Variants in FCHSD2 observed in about 807,000 individuals in gnomAD.
FCHSD2 encodes the protein F-BAR and double SH3 domains protein 2.
In FCHSD2, 38 loss-of-function variants were observed where a neutral mutation model predicts 108.1. The ratio of observed to expected loss-of-function variants is 0.35; its 90% CI spans 0.27 to 0.46. FCHSD2 has a LOEUF of 0.46. FCHSD2 is among the 20% of genes least tolerant of loss of function. The probability of loss-of-function intolerance (pLI) is 1.00; values close to 1 mark genes in which losing one functional copy is unlikely to be tolerated. For synonymous variants in FCHSD2, 279 were observed against 314.7 expected (o/e 0.89, Z 1.20); for missense variants, 751 against 897.8 (o/e 0.84, Z 2.09).
chr11:72,983,101 C>T (rs1177241253), intron 8 of FCHSD2, among the ~76,000 whole-genome samples: 7 of 151,658 alleles, frequency 4.6e-5, no homozygotes, highest in East Asian at 3.9e-4. Flanking sequence ...GAGACCATCC[C>T]GGCTAAAACG....
At chr11:72,845,446 AAAAAAAAAAAAAAAAC>A in intron 14 of FCHSD2, among the ~76,000 whole-genome samples, 1 of 68,704 alleles carries the variant, frequency 1.5e-5, no homozygotes, top group Non-Finnish European at 3.1e-5. Flanking sequence ...TCAAAAAAAA[AAAAAAAAAAAAAAAAC>A]AACAACAAAC....
intron 13 of FCHSD2, among the ~76,000 whole-genome samples, chr11:72,867,126 C>T (rs1449337553): frequency 6.6e-6 from 1 of 152,106 alleles, no homozygotes; most frequent in East Asian, 1.9e-4. Flanking sequence ...TAATAAATAC[C>T]ATTGAGGAAA....
intron 13 of FCHSD2, among the ~76,000 whole-genome samples, chr11:72,861,656 G>A (rs1465994340): frequency 6.6e-6 from 1 of 152,134 alleles, no homozygotes. Flanking sequence ...TAGGCCGGGC[G>A]CGCTGGCTCA....
At chr11:72,966,798 GA>G (rs1403224792) in intron 8 of FCHSD2, among the ~76,000 whole-genome samples, 6 of 152,030 alleles carry the variant, frequency 3.9e-5, no homozygotes, top group Non-Finnish European at 4.4e-5. Flanking sequence ...TATTTTGAAG[GA>G]AAAAAACCTG....
chr11:73,116,005 G>A (rs1322305953), intron 2 of FCHSD2, among the ~76,000 whole-genome samples: 1 of 152,192 alleles, frequency 6.6e-6, no homozygotes, highest in African/African-American at 2.4e-5. Flanking sequence ...TGTTATCCAC[G>A]AGTTTAATGA....
chr11:72,904,493 T>C (rs1042527599), intron 9 of FCHSD2, among the ~76,000 whole-genome samples: 1 of 152,180 alleles, frequency 6.6e-6, no homozygotes, highest in Non-Finnish European at 1.5e-5. Context: ...CATCCCCTTA[T>C]GGCCAATATT....
At chr11:72,954,196 ATTTTTT>A (rs57517075) in intron 8 of FCHSD2, among the ~76,000 whole-genome samples, 5 of 111,700 alleles carry the variant, frequency 4.5e-5, no homozygotes, top group Admixed American at 1.0e-4. Flanking sequence ...AGATGTGGGG[ATTTTTT>A]TTTTTTTTTT....
chr11:72,975,362 A>G (rs1174954263), intron 8 of FCHSD2, among the ~76,000 whole-genome samples: 1 of 152,164 alleles, frequency 6.6e-6, no homozygotes, highest in African/African-American at 2.4e-5. Flanking sequence ...TGGGAAGGAT[A>G]GGAAGGTGGG....
intron 2 of FCHSD2, among the ~76,000 whole-genome samples, chr11:73,130,678 G>T (rs1591579565): frequency 1.3e-5 from 2 of 152,078 alleles, no homozygotes; most frequent in Non-Finnish European, 1.5e-5. Context: ...GTACACAGTG[G>T]TCTGTGACAA....
chr11:72,979,357 A>G (rs1004529426), intron 8 of FCHSD2, among the ~76,000 whole-genome samples: 1 of 152,210 alleles, frequency 6.6e-6, no homozygotes, highest in Non-Finnish European at 1.5e-5. Flanking sequence ...ATAAGAAAGA[A>G]ATGAAATTTA....
chr11:72,994,027 T>TA (rs1857474075), intron 5 of FCHSD2, among the ~76,000 whole-genome samples: 2 of 152,316 alleles, frequency 1.3e-5, no homozygotes, highest in South Asian at 4.1e-4. Flanking sequence ...AGAGTTGTTG[T>TA]AAAAAATTTT....
intron 2 of FCHSD2, among the ~76,000 whole-genome samples, chr11:73,092,332 G>T (rs1350927295): frequency 6.6e-6 from 1 of 151,698 alleles, no homozygotes; most frequent in Non-Finnish European, 1.5e-5. Context: ...TAGAGATGGG[G>T]TCTTGCTATG....
At chr11:72,981,813 G>A (rs917473623) in intron 8 of FCHSD2, among the ~76,000 whole-genome samples, 10 of 152,096 alleles carry the variant, frequency 6.6e-5, no homozygotes, top group Admixed American at 6.6e-4. Context: ...ACGCCTCTGC[G>A]AAAATAAAAA....
chr11:72,999,354 C>A (rs1401634659), intron 5 of FCHSD2, among the ~76,000 whole-genome samples: 1 of 137,184 alleles, frequency 7.3e-6, no homozygotes, highest in Non-Finnish European at 1.5e-5. Context: ...GAGTCTCACT[C>A]TGTCACCCAG....
intron 2 of FCHSD2, among the ~76,000 whole-genome samples, chr11:73,133,877 A>G (rs1010015798): frequency 4.0e-5 from 6 of 151,816 alleles, no homozygotes; most frequent in African/African-American, 9.7e-5. Flanking sequence ...CAGAAAGTAG[A>G]TAAGTGGTTG....
chr11:72,850,080 T>G, intron 13 of FCHSD2, among the ~76,000 whole-genome samples, 191 bp from the exon 14 acceptor site: 1 of 47,966 alleles, frequency 2.1e-5, no homozygotes, highest in African/African-American at 7.4e-5. Flanking sequence ...TTTTTTTTTT[T>G]GAGATGGAAT....
chr11:72,961,235 TTTTG>T (rs2135372669), intron 8 of FCHSD2, among the ~76,000 whole-genome samples: 1 of 152,244 alleles, frequency 6.6e-6, no homozygotes, highest in Non-Finnish European at 1.5e-5. Context: ...ATTTAGTACT[TTTTG>T]TTTGTTTTTT....
At position 73,087,857 on chromosome 11, in the gene FCHSD2, A is replaced by G. The variant is rs571049281; in HGVS notation, c.120-4117T>C. ...ACCCAGAGCAACTTCCAGTCTCCTA[A>G]GCTCCATTCATGGCAAGTGCCCTAC... On this transcript the variant is annotated intron_variant, in intron 2 of 19. Coordinates refer to ENST00000409418, the MANE Select transcript of FCHSD2 (RefSeq NM_014824.3). 2.0e-5 allele frequency among the ~76,000 whole-genome samples: 3 copies of G among 152,286 alleles called. No individual in the cohort carries two copies. In the East Asian group the frequency reaches 5.8e-4, roughly 29 times the overall value.
chr11:72,999,859 ACAAT>A (rs1857590571), intron 5 of FCHSD2, among the ~76,000 whole-genome samples: 1 of 90,460 alleles, frequency 1.1e-5, no homozygotes. Context: ...CTCTTTCTGC[ACAAT>A]CAGACACACA....
Sources: gnomAD v4.1 joint callset for allele counts (sites outside exome capture counted in the v4.1 genomes callset) on GRCh38, gnomAD v4.1.1 for gene constraint, MANE v1.5 for transcripts, NCBI Gene and HGNC (gene_info 2026-07-23, HGNC 2026-07-21) for gene names.